SCEL: variants seen among roughly 807,000 people sequenced by gnomAD.
SCEL encodes sciellin.
SCEL carries 113 observed loss-of-function variants against 117.6 expected under a neutral mutation model. That is an observed-to-expected ratio of 0.96 (90% CI 0.83 to 1.12). The LOEUF is 1.12. Ranked by LOEUF, SCEL falls within the 50% of genes most tolerant of loss-of-function variation. The pLI is 0.00. For missense variants in SCEL, 785 were observed against 810.8 expected, an observed-to-expected ratio of 0.97 and a Z score of 0.39; for synonymous variants, 270 against 256.2, an observed-to-expected ratio of 1.05 and a Z score of -0.51.
intron 30 of SCEL, among the ~76,000 whole-genome samples, chr13:77,637,709 A>G (rs2090371928): frequency 6.6e-6 from 1 of 152,046 alleles, no homozygotes; most frequent in Admixed American, 6.6e-5. Flanking sequence ...GCATCCATAG[A>G]CTGTGCCATC....
chr13:77,624,074 C>T lies in SCEL; in HGVS notation c.1629-3873C>T, dbSNP rs905830652. The stretch of plus-strand genomic sequence containing the variant: ...GAAGTATCTGTGCCAGGCCTCTCTC[C>T]TTGGCTTGTGGAAAACTTGTCTTCA... On this transcript the variant is annotated intron_variant, in intron 27 of 32. Transcript: ENST00000349847. 2.7e-5 allele frequency among the ~76,000 whole-genome samples: 4 copies of T among 150,442 alleles called. No individual in the cohort carries two copies. In the East Asian group the frequency reaches 7.8e-4, roughly 29 times the overall value.
intron 15 of SCEL, chr13:77,600,072 G>C (rs1449267190): frequency 7.2e-6 from 2 of 277,016 alleles, no homozygotes; most frequent in African/African-American, 2.2e-5. Context: ...AGAATAGGTT[G>C]GTTTATGAAC....
chr13:77,596,098 T>G (rs2087213030), intron 12 of SCEL, among the ~76,000 whole-genome samples: 1 of 152,178 alleles, frequency 6.6e-6, no homozygotes, highest in African/African-American at 2.4e-5. Context: ...TTTGGGAGGC[T>G]GAGGTGGGCA....
At chr13:77,548,952 C>A (rs1220438013) in intron 1 of SCEL, among the ~76,000 whole-genome samples, 2 of 151,912 alleles carry the variant, frequency 1.3e-5, no homozygotes, top group South Asian at 2.1e-4. Context: ...TTTCTTTATC[C>A]ATTTGTCTGT....
intron 9 of SCEL, among the ~76,000 whole-genome samples, chr13:77,573,638 CATCTATCTATCTATCTATCTATCT>C (rs10565753): frequency 6.7e-6 from 1 of 149,752 alleles, no homozygotes; most frequent in Non-Finnish European, 1.5e-5. Context: ...TCTGTCATTA[CATCTATCTATCTATCTATCTATCT>C]ATCTATCTAT....
chr13:77,560,817 T>C (rs2084936698), intron 4 of SCEL, among the ~76,000 whole-genome samples: 1 of 152,220 alleles, frequency 6.6e-6, no homozygotes, highest in Non-Finnish European at 1.5e-5. Flanking sequence ...TTGTGTCTGT[T>C]TGTCATTTAA....
chr13:77,595,597 T>C lies in SCEL; in HGVS notation c.753-1948T>C, dbSNP rs1233171763. On this transcript the variant is annotated intron_variant, in intron 12 of 32. Coordinates refer to ENST00000349847, the MANE Select transcript of SCEL (RefSeq NM_144777.3). The stretch of plus-strand genomic sequence containing the variant: ...GTGACTCATGCCAGTCAGGAAAGCC[T>C]GGGGCTAAAATTTATAGGACTCGTG... Among the ~76,000 whole-genome samples the C allele has an allele frequency of 2.0e-5, 3 of 152,026 alleles. 1 individual carries two copies. In the South Asian group the frequency reaches 6.2e-4, roughly 32 times the overall value.
At chr13:77,612,799 T>C in intron 22 of SCEL, 92 bp from the exon 23 acceptor site, 1 of 673,564 alleles carries the variant, frequency 1.5e-6, no homozygotes, top group Non-Finnish European at 2.4e-6. Flanking sequence ...AGTTTTAAAT[T>C]AGCAGGTCAT....
Position 77,606,614 on chromosome 13 carries a change from G to T in SCEL, c.1158-1442G>T, listed in dbSNP as rs150882475. 210 of 152,278 alleles carry T rather than the reference G, an allele frequency of 1.4e-3. 1 individual carries two copies. The highest frequency in any genetic ancestry group is 4.8e-3 in the African/African-American group (198 of 41,558). 9.4% of individuals were successfully genotyped at this position (152,278 alleles called of 1,614,324 possible). Reference sequence around the variant, plus strand: ...AGGAGTAATCTGGAGTAGAGTGATTGCTTCTGTGGGGCTAATTGTTTCATT... The same window carrying T: ...AGGAGTAATCTGGAGTAGAGTGATTTCTTCTGTGGGGCTAATTGTTTCATT... On this transcript the variant is annotated intron_variant, in intron 19 of 32. Transcript: ENST00000349847.
chr13:77,552,087 T>C (rs1249640122), intron 1 of SCEL, among the ~76,000 whole-genome samples: 2 of 151,968 alleles, frequency 1.3e-5, no homozygotes, highest in African/African-American at 2.4e-5. Flanking sequence ...CTTAATCCAG[T>C]CTATCATTGT....
chr13:77,581,482 T>C (rs2086258853), intron 9 of SCEL, among the ~76,000 whole-genome samples: 1 of 152,210 alleles, frequency 6.6e-6, no homozygotes, highest in Non-Finnish European at 1.5e-5. Context: ...GCATCGCTGC[T>C]TTGCCCAACC....
intron 27 of SCEL, among the ~76,000 whole-genome samples, chr13:77,619,645 A>G (rs1303066152): frequency 6.6e-6 from 1 of 152,206 alleles, no homozygotes; most frequent in Non-Finnish European, 1.5e-5. Flanking sequence ...ATTTTCTAAA[A>G]GCTGAAATAA....
chr13:77,585,954 G>A (rs1188560090), intron 9 of SCEL, among the ~76,000 whole-genome samples: 2 of 152,012 alleles, frequency 1.3e-5, no homozygotes, highest in African/African-American at 4.8e-5. Context: ...CACAGGGTCC[G>A]GATGAAGGTA....
At chr13:77,564,842 C>T (rs552930182) in intron 5 of SCEL, among the ~76,000 whole-genome samples, 20 of 152,318 alleles carry the variant, frequency 1.3e-4, no homozygotes, top group African/African-American at 4.3e-4. Flanking sequence ...GCTTTCAAGT[C>T]AGTCACCCTA....
At chr13:77,558,472 A>T (rs910233375) in intron 3 of SCEL, among the ~76,000 whole-genome samples, 9 of 152,026 alleles carry the variant, frequency 5.9e-5, no homozygotes, top group Non-Finnish European at 1.3e-4. Flanking sequence ...TTTACTGTTT[A>T]TGTTTCTGTT....
intron 1 of SCEL, among the ~76,000 whole-genome samples, chr13:77,539,959 GA>G (rs908145481): frequency 6.6e-6 from 1 of 152,094 alleles, no homozygotes; most frequent in Non-Finnish European, 1.5e-5. Context: ...GTATGTATCA[GA>G]AAAACACAAT....
chr13:77,632,275 C>T (rs79098267), intron 28 of SCEL, among the ~76,000 whole-genome samples: 4,898 of 152,286 alleles, frequency 0.032, 254 homozygotes, highest in African/African-American at 0.11. Flanking sequence ...TTTTGATATT[C>T]TATTGCTGAG....
intron 12 of SCEL, among the ~76,000 whole-genome samples, chr13:77,596,394 A>T (rs1384460304): frequency 1.3e-5 from 2 of 152,126 alleles, no homozygotes; most frequent in African/African-American, 2.4e-5. Context: ...ACAGGGCATT[A>T]TTTATTATAA....
chr13:77,609,828 C>A (rs957247061), intron 21 of SCEL, among the ~76,000 whole-genome samples: 1 of 152,120 alleles, frequency 6.6e-6, no homozygotes, highest in Non-Finnish European at 1.5e-5. Context: ...GGACATCAAA[C>A]ATTTTCTAGA....
Sources: allele counts gnomAD v4.1 joint callset (sites outside exome capture counted in the v4.1 genomes callset), GRCh38; gene constraint gnomAD v4.1.1; transcripts MANE v1.5; gene names NCBI Gene and HGNC (gene_info 2026-07-23, HGNC 2026-07-21).